Variants in SAXO1 observed in about 807,000 individuals in gnomAD.
SAXO1 encodes 4930500O09Rik.
In SAXO1, 21 loss-of-function variants were observed where a neutral mutation model predicts 17.5. The observed-to-expected ratio is 1.20, with a 90% CI of 0.85 to 1.72. The LOEUF (loss-of-function observed/expected upper bound fraction) is 1.72, where lower values mean the gene tolerates loss of function less well. Ranked by LOEUF, SAXO1 falls within the 40% of genes most tolerant of loss-of-function variation. The probability of loss-of-function intolerance (pLI) is 0.00; values close to 1 mark genes in which losing one functional copy is unlikely to be tolerated. For missense variants in SAXO1, 843 were observed against 596.0 expected (o/e 1.41, Z -4.32); for synonymous variants, 274 against 216.5 (o/e 1.27, Z -2.33).
chr9:18,999,540 C>G (rs530877231), intron 1 of SAXO1, among the ~76,000 whole-genome samples: 103 of 146,866 alleles, frequency 7.0e-4, no homozygotes, highest in African/African-American at 2.4e-3. Context: ...GCCACACCGT[C>G]TGGGAAGTGA....
At chr9:18,978,547 G>C (rs1240691582) in intron 1 of SAXO1, among the ~76,000 whole-genome samples, 1 of 152,204 alleles carries the variant, frequency 6.6e-6, no homozygotes, top group Non-Finnish European at 1.5e-5. Flanking sequence ...GAGCCATTGT[G>C]CAAGGTGAGC....
intron 1 of SAXO1, among the ~76,000 whole-genome samples, chr9:19,032,263 C>A (rs1835803773): frequency 6.6e-6 from 1 of 152,152 alleles, no homozygotes; most frequent in Non-Finnish European, 1.5e-5. Context: ...CCAGTCAGCC[C>A]GTGGGACTCT....
At position 18,928,885 on chromosome 9, in the gene SAXO1, T is replaced by A. The variant is rs1202535786; in HGVS notation, c.592A>T (p.Asn198Tyr). The A allele has an allele frequency of 5.0e-6, 8 of 1,614,154 alleles. No individual in the cohort carries two copies. The East Asian group carries it at 1.1e-4, about 22-fold the overall frequency. Reference sequence around the variant, plus strand: ...TTAGTCACATCCTCCAAGGGGATGTTACAGAGCTTTGGCATGGCCAGAGGT... The same window carrying A: ...TTAGTCACATCCTCCAAGGGGATGTAACAGAGCTTTGGCATGGCCAGAGGT... ...CKPLAMPKLC[N>Y]IPLEDVTNYK... Residue 198 changes from asparagine (N) to tyrosine (Y), a missense_variant, in exon 4 of 4, where the codon AAC becomes TAC. Transcript: ENST00000380534.
intron 1 of SAXO1, among the ~76,000 whole-genome samples, chr9:19,025,105 G>A (rs1391434214): frequency 6.6e-6 from 1 of 152,136 alleles, no homozygotes; most frequent in African/African-American, 2.4e-5. Context: ...ATCCAAAAAA[G>A]GCCATTTTTA....
intron 1 of SAXO1, among the ~76,000 whole-genome samples, chr9:18,993,324 T>C (rs1833883897): frequency 7.1e-6 from 1 of 140,648 alleles, no homozygotes; most frequent in Non-Finnish European, 1.5e-5. Context: ...CCTGTGTCCA[T>C]GTGTTCTCAT....
chr9:18,945,578 G>C lies in SAXO1; in HGVS notation c.219-3739C>G, dbSNP rs1831757796. On this transcript the variant is annotated intron_variant, in intron 2 of 3. Transcript: ENST00000380534. ...GATCCTTGGCTGAATCACAGGGTTTGATTCATGCCCCTGGTCCTTATGGGA... is the reference window on the plus strand; with the variant it reads ...GATCCTTGGCTGAATCACAGGGTTTCATTCATGCCCCTGGTCCTTATGGGA... Among the ~76,000 whole-genome samples the C allele has an allele frequency of 4.6e-5, 7 of 152,300 alleles. No individual in the cohort carries two copies. The South Asian group carries it at 1.2e-3, about 27-fold the overall frequency.
At chr9:19,024,125 G>C (rs55803532) in intron 1 of SAXO1, among the ~76,000 whole-genome samples, 1 of 136,300 alleles carries the variant, frequency 7.3e-6, no homozygotes, top group Non-Finnish European at 1.5e-5. Flanking sequence ...CACATTCTGA[G>C]ACATGTAAGA....
intron 1 of SAXO1, among the ~76,000 whole-genome samples, chr9:19,022,558 T>C (rs1588548976): frequency 6.6e-6 from 1 of 152,334 alleles, no homozygotes; most frequent in East Asian, 1.9e-4. Context: ...AAATGCATCA[T>C]ACTTGAAAGA....
chr9:18,961,946 A>G (rs199988785), intron 1 of SAXO1, among the ~76,000 whole-genome samples: 1 of 152,182 alleles, frequency 6.6e-6, no homozygotes, highest in Non-Finnish European at 1.5e-5. Flanking sequence ...CTAATTTACA[A>G]TTCCACCAAC....
chr9:19,046,210 G>T (rs765750431), intron 1 of SAXO1, among the ~76,000 whole-genome samples: 4 of 150,762 alleles, frequency 2.7e-5, no homozygotes, highest in Non-Finnish European at 5.9e-5. Context: ...AGAGATAAAA[G>T]AATATATTTA....
chr9:19,007,219 C>T (rs763732330), intron 1 of SAXO1, among the ~76,000 whole-genome samples: 7 of 151,448 alleles, frequency 4.6e-5, no homozygotes, highest in Non-Finnish European at 2.9e-5. Flanking sequence ...TTTTGGTGCA[C>T]GCCTGTAGTC....
chr9:19,002,034 AT>A (rs1236563634), intron 1 of SAXO1, among the ~76,000 whole-genome samples: 27 of 152,336 alleles, frequency 1.8e-4, no homozygotes, highest in African/African-American at 6.3e-4. Flanking sequence ...GAAGAGTCAA[AT>A]AGACGCAATA....
rs557595485 is a variant in SAXO1, at chr9:18,993,151, G to A, written c.38+39720C>T. Among the ~76,000 whole-genome samples the A allele has an allele frequency of 2.7e-3, 415 of 151,658 alleles. 2 individuals are homozygous for A. Among genetic ancestry groups the A allele is most frequent in the African/African-American group, 9.1e-3 (378 of 41,312 alleles). ...AAGTTCTGGGATATATGTGCAGAGT[G>A]TACAGGTATGTTACATAGGTATACA... On this transcript the variant is annotated intron_variant, in intron 1 of 3. Transcript: ENST00000380534.
chr9:18,953,585 C>T (rs1035504387), intron 1 of SAXO1, among the ~76,000 whole-genome samples: 2 of 152,140 alleles, frequency 1.3e-5, no homozygotes, highest in Non-Finnish European at 2.9e-5. Context: ...GTTTCACTGC[C>T]TGAGTGTGCT....
intron 1 of SAXO1, among the ~76,000 whole-genome samples, chr9:19,018,252 G>T (rs1004441484): frequency 1.3e-5 from 2 of 152,004 alleles, no homozygotes; most frequent in African/African-American, 4.8e-5. Flanking sequence ...ATCATGTAAA[G>T]TTATTTATGA....
chr9:19,020,670 G>A (rs1410278637), intron 1 of SAXO1, among the ~76,000 whole-genome samples: 1 of 152,096 alleles, frequency 6.6e-6, no homozygotes, highest in East Asian at 1.9e-4. Flanking sequence ...AGATAATTTT[G>A]AATCTTCATT....
intron 1 of SAXO1, among the ~76,000 whole-genome samples, chr9:18,991,566 C>T (rs536251869): frequency 1.3e-3 from 200 of 151,912 alleles, no homozygotes; most frequent in African/African-American, 3.3e-3. Flanking sequence ...GGGCTTGTCG[C>T]GGAGTGGGGG....
chr9:18,983,372 C>G (rs889586636), intron 1 of SAXO1, among the ~76,000 whole-genome samples: 1 of 152,084 alleles, frequency 6.6e-6, no homozygotes, highest in Non-Finnish European at 1.5e-5. Flanking sequence ...ATGGGGGAAA[C>G]CACCCCATGA....
rs78885346 is a variant in SAXO1, at chr9:18,948,082, A to G, written c.218+2676T>C. On this transcript the variant is annotated intron_variant, in intron 2 of 3. Transcript: ENST00000380534. ...TGCTAAGAGCAGAGGGGTGACGACAATCTGCACAGACACAAGGGTGTGCAG... is the reference window on the plus strand; with the variant it reads ...TGCTAAGAGCAGAGGGGTGACGACAGTCTGCACAGACACAAGGGTGTGCAG... Among the ~76,000 whole-genome samples, 1,318 of 152,298 alleles carry G rather than the reference A, an allele frequency of 8.7e-3. 14 individuals carry two copies. Among genetic ancestry groups the G allele is most frequent in the African/African-American group, 0.03 (1,267 of 41,554 alleles).
Sources: allele counts gnomAD v4.1 joint callset (sites outside exome capture counted in the v4.1 genomes callset), GRCh38; gene constraint gnomAD v4.1.1; transcripts MANE v1.5; gene names NCBI Gene and HGNC (gene_info 2026-07-23, HGNC 2026-07-21).